Variants in WDR59 observed in about 807,000 individuals in gnomAD.
The protein encoded by WDR59 is WD repeat domain 59.
WDR59 carries 100 observed loss-of-function variants against 131.2 expected under a neutral mutation model. The observed-to-expected ratio is 0.76, with a 90% CI of 0.65 to 0.90. The LOEUF (loss-of-function observed/expected upper bound fraction) is 0.90. Among genes scored for constraint, WDR59 ranks in the 40% least tolerant of loss-of-function variants. The pLI is 0.00. For synonymous variants in WDR59, 601 were observed against 466.2 expected (o/e 1.29, Z -3.72); for missense variants, 1,203 against 1,262.2 (o/e 0.95, Z 0.71).
At chr16:74,919,289 C>G (rs2029917612) in intron 10 of WDR59, among the ~76,000 whole-genome samples, 1 of 151,934 alleles carries the variant, frequency 6.6e-6, no homozygotes, top group Non-Finnish European at 1.5e-5. Flanking sequence ...ACCCTATGAT[C>G]TGGCTTCTCT....
chr16:74,906,964 G>T (rs1965849795), intron 17 of WDR59, among the ~76,000 whole-genome samples: 2 of 152,192 alleles, frequency 1.3e-5, no homozygotes, highest in Non-Finnish European at 2.9e-5. Context: ...GTAAAGGACT[G>T]TCAGTGGGAA....
intron 17 of WDR59, 118 bp downstream of exon 17, chr16:74,908,790 G>A: frequency 4.4e-6 from 3 of 676,428 alleles, no homozygotes; most frequent in Non-Finnish European, 7.5e-6. Flanking sequence ...TCTTATAATG[G>A]GAGTTTACTG....
chr16:74,916,209 A>G lies in WDR59; in HGVS notation c.1017T>C (p.Ile339=). The change falls in exon 12 of 26, where the codon ATT becomes ATC. Residue 339 remains isoleucine (I), a synonymous_variant. Coordinates refer to ENST00000262144, the MANE Select transcript of WDR59 (RefSeq NM_030581.4). Reference sequence around the variant, plus strand: ...TCTTCTCAGGTTCCGGCAGAAGGGAAATACTCTCAATGAACTCATCAACAC... The same window carrying G: ...TCTTCTCAGGTTCCGGCAGAAGGGAGATACTCTCAATGAACTCATCAACAC... The part of the protein sequence containing the change: ...LDGVDEFIES[I]SLLPEPEKTL... The G allele has an allele frequency of 1.2e-6, 2 of 1,614,054 alleles. No individual in the cohort carries two copies. The highest frequency in any genetic ancestry group is 1.7e-6 in the Non-Finnish European group (2 of 1,179,936).
intron 8 of WDR59, among the ~76,000 whole-genome samples, chr16:74,929,601 C>T: frequency 6.6e-6 from 1 of 152,068 alleles, no homozygotes; most frequent in Non-Finnish European, 1.5e-5. Context: ...TTAGTACGGC[C>T]ACTATGGAGA....
At chr16:74,913,020 T>G (rs1170083084) in intron 13 of WDR59, among the ~76,000 whole-genome samples, 3 of 148,310 alleles carry the variant, frequency 2.0e-5, no homozygotes, top group African/African-American at 7.6e-5. Context: ...CATGTCACAG[T>G]GCTGCAGAGA....
chr16:74,930,149 A>C (rs1019643929), intron 8 of WDR59, among the ~76,000 whole-genome samples: 2 of 152,222 alleles, frequency 1.3e-5, no homozygotes, highest in Admixed American at 6.5e-5. Flanking sequence ...GGGTGATTAT[A>C]GTCAGTAATA....
chr16:74,937,465 A>C (rs2031895353), intron 8 of WDR59, among the ~76,000 whole-genome samples: 2 of 152,180 alleles, frequency 1.3e-5, no homozygotes, highest in South Asian at 4.1e-4. Context: ...TATATCTGTC[A>C]TACATATCTG....
At chr16:74,903,017 A>G (rs1048573094) in intron 18 of WDR59, among the ~76,000 whole-genome samples, 4 of 152,208 alleles carry the variant, frequency 2.6e-5, no homozygotes, top group Non-Finnish European at 5.9e-5. Flanking sequence ...TTAGTCACAT[A>G]CAACCCTAAA....
chr16:74,902,040 C>T lies in WDR59; in HGVS notation c.1866+1907G>A, dbSNP rs543934535. On this transcript the variant is annotated intron_variant, in intron 18 of 25. Transcript: ENST00000262144. Reference sequence around the variant, plus strand: ...AAAAATGGTCAAATATCAGCAATTTCGTATGATTTAAGCCAATAATCCAAG... The same window carrying T: ...AAAAATGGTCAAATATCAGCAATTTTGTATGATTTAAGCCAATAATCCAAG... Among the ~76,000 whole-genome samples, 8 of 152,214 alleles carry T rather than the reference C, an allele frequency of 5.3e-5. 1 individual carries two copies. The South Asian group carries it at 6.2e-4, about 12-fold the overall frequency.
chr16:74,962,220 C>T (rs769296248), intron 2 of WDR59, among the ~76,000 whole-genome samples: 1 of 152,102 alleles, frequency 6.6e-6, no homozygotes, highest in Non-Finnish European at 1.5e-5. Flanking sequence ...AGTCGGGTAG[C>T]GTAATACCTC....
intron 2 of WDR59, among the ~76,000 whole-genome samples, chr16:74,959,911 G>A (rs1035623783): frequency 8.0e-5 from 12 of 150,460 alleles, no homozygotes; most frequent in African/African-American, 2.4e-4. Context: ...AAAAAATCTT[G>A]GAACCAATAT....
intron 23 of WDR59, among the ~76,000 whole-genome samples, chr16:74,887,315 G>C (rs1964815030): frequency 6.6e-6 from 1 of 151,996 alleles, no homozygotes; most frequent in African/African-American, 2.4e-5. Context: ...ACTGGAGTCA[G>C]GCCCAGCTGT....
At position 74,909,861 on chromosome 16, in the gene WDR59, G is replaced by A. The variant is rs748130465; in HGVS notation, c.1446C>T (p.Pro482=). The A allele has an allele frequency of 6.2e-7, 1 of 1,612,978 alleles. No homozygotes were observed. Among genetic ancestry groups the A allele is most frequent in the South Asian group, 1.1e-5 (1 of 91,026 alleles). ...GGCAGGAGACGAGCTGGCGCAGGCA[G>A]GGCTCCAGGCAGCTCTGGCCACGCT... ...KVKRGQSCLE[P]CLRQLVSCLE... The change falls in exon 15 of 26, where the codon CCC becomes CCT. Residue 482 remains proline (P), a synonymous_variant. Coordinates refer to ENST00000262144, the MANE Select transcript of WDR59 (RefSeq NM_030581.4).
rs764444848 is a variant in WDR59, at chr16:74,888,181, G to A, written c.2334C>T (p.Ser778=). The change falls in exon 22 of 26, where the codon TCC becomes TCT. Residue 778 remains serine, a synonymous_variant. Transcript: ENST00000262144. ...AGGACAAACTTACATATCGACTATG[G>A]GACACCACAAGATTAGAAGAACGGT... ...FPNRSSNLVV[S]HSRYPSFTSS... is the part of the protein sequence containing the mutation. The A allele has an allele frequency of 3.1e-6, 5 of 1,608,062 alleles. No homozygotes were observed.
chr16:74,949,820 G>C (rs749197507), intron 4 of WDR59, 22 bp from the exon 5 acceptor site: 9 of 1,612,326 alleles, frequency 5.6e-6, no homozygotes, highest in Non-Finnish European at 7.6e-6. Flanking sequence ...AGAATAAACA[G>C]AACAAAGAAA....
At chr16:74,911,941 G>C in intron 14 of WDR59, 1 of 548,572 alleles carries the variant, frequency 1.8e-6, no homozygotes, top group Non-Finnish European at 3.2e-6. Flanking sequence ...TCATTGTGCA[G>C]ATTTTTCTGA....
At chr16:74,903,718 G>C (rs1330434330) in intron 18 of WDR59, among the ~76,000 whole-genome samples, 1 of 152,036 alleles carries the variant, frequency 6.6e-6, no homozygotes, top group Non-Finnish European at 1.5e-5. Context: ...GGCTAAATGG[G>C]GAGTAAAGAT....
intron 25 of WDR59, among the ~76,000 whole-genome samples, chr16:74,879,409 G>C (rs896106863): frequency 1.3e-5 from 2 of 152,160 alleles, no homozygotes; most frequent in East Asian, 1.9e-4. Context: ...ACCACCAGGA[G>C]ACACTTGTCA....
rs1964582240 is a variant in WDR59, at chr16:74,883,042, T to C, written c.2689+2611A>G. On this transcript the variant is annotated intron_variant, in intron 25 of 25. Coordinates refer to ENST00000262144, the MANE Select transcript of WDR59 (RefSeq NM_030581.4). ...TTGCTTTTTTTTTTTTTTTTTTTTTTGAGACAGAGTCTCACTCTGTCACCA... is the reference window on the plus strand; with the variant it reads ...TTGCTTTTTTTTTTTTTTTTTTTTTCGAGACAGAGTCTCACTCTGTCACCA... 7.7e-5 allele frequency among the ~76,000 whole-genome samples: 11 copies of C among 143,262 alleles called. No homozygotes were observed. In the South Asian group the frequency reaches 2.5e-3, roughly 32 times the overall value. The allele number at this position is 143,262 out of a possible 152,430, so 94.0% of individuals were successfully genotyped here. A position where few individuals can be genotyped will look rare whatever the true frequency, so the allele number is the denominator to read the frequency against.
Sources: gnomAD v4.1 joint callset for allele counts (sites outside exome capture counted in the v4.1 genomes callset) on GRCh38, gnomAD v4.1.1 for gene constraint, MANE v1.5 for transcripts, NCBI Gene and HGNC (gene_info 2026-07-23, HGNC 2026-07-21) for gene names.